The following WWOX variants were observed in gnomAD, a reference collection of about 807,000 sequenced individuals.
WWOX encodes WW domain containing oxidoreductase.
In WWOX, 69 loss-of-function variants were observed where a neutral mutation model predicts 46.2. The ratio of observed to expected loss-of-function variants is 1.49; its 90% CI spans 1.23 to 1.82. The LOEUF (loss-of-function observed/expected upper bound fraction) is 1.82. Ranked by LOEUF, WWOX falls within the 40% of genes most tolerant of loss-of-function variation. WWOX has a pLI of 0.00. For synonymous variants in WWOX, 359 were observed against 202.6 expected, an observed-to-expected ratio of 1.77 and a Z score of -6.56; for missense variants, 919 against 542.6, an observed-to-expected ratio of 1.69 and a Z score of -6.89.
chr16:78,709,327 C>G (rs546530807), intron 8 of WWOX, among the ~76,000 whole-genome samples: 2 of 152,180 alleles, frequency 1.3e-5, no homozygotes, highest in African/African-American at 4.8e-5. Context: ...GTAGTGATCA[C>G]AGAGAGAAGC....
intron 8 of WWOX, among the ~76,000 whole-genome samples, chr16:79,189,823 C>A (rs1262214978): frequency 6.8e-6 from 1 of 146,600 alleles, no homozygotes; most frequent in East Asian, 2.1e-4. Context: ...TATTTGGCAT[C>A]TTGCAATTGA....
At chr16:78,879,977 T>C (rs2044310303) in intron 8 of WWOX, among the ~76,000 whole-genome samples, 1 of 152,192 alleles carries the variant, frequency 6.6e-6, no homozygotes, top group South Asian at 2.1e-4. Flanking sequence ...TTTCTAAACA[T>C]TTTGAAATCT....
intron 8 of WWOX, among the ~76,000 whole-genome samples, chr16:78,554,014 C>T (rs1056100077): frequency 1.1e-4 from 17 of 152,026 alleles, no homozygotes; most frequent in South Asian, 1.0e-3. Context: ...GCATCAAACA[C>T]GCCGTCAAGC....
intron 8 of WWOX, among the ~76,000 whole-genome samples, chr16:79,169,891 A>G (rs1446440948): frequency 6.6e-6 from 1 of 152,180 alleles, no homozygotes; most frequent in Non-Finnish European, 1.5e-5. Context: ...ATGGGCCCAG[A>G]AATCAAGATG....
intron 8 of WWOX, among the ~76,000 whole-genome samples, chr16:79,047,803 C>T (rs1294310985): frequency 6.7e-6 from 1 of 149,402 alleles, no homozygotes; most frequent in Non-Finnish European, 1.5e-5. Context: ...ATGACTGGCT[C>T]ACAGTAGGAC....
At chr16:78,375,559 G>A (rs551196830) in intron 5 of WWOX, among the ~76,000 whole-genome samples, 7 of 152,190 alleles carry the variant, frequency 4.6e-5, no homozygotes, top group Non-Finnish European at 8.8e-5. Flanking sequence ...AAATGTCAGT[G>A]TGAATTATTG....
At position 78,343,770 on chromosome 16, in the gene WWOX, C is replaced by G. The variant is rs531865971; in HGVS notation, c.517-43090C>G. ...TTTGGTTCCTAAACTGGTGGACATA[C>G]CAAGGACTAAAGGAGTGACTTGCTC... On this transcript the variant is annotated intron_variant, in intron 5 of 8. Transcript: ENST00000566780. 3.2e-4 allele frequency among the ~76,000 whole-genome samples: 39 copies of G among 120,770 alleles called. 6 individuals are homozygous for G. The South Asian group carries it at 9.5e-3, about 29-fold the overall frequency. The allele number at this position is 120,770 out of a possible 152,430, so 79.2% of individuals were successfully genotyped here.
intron 8 of WWOX, among the ~76,000 whole-genome samples, chr16:79,165,984 T>G (rs929963579): frequency 3.9e-5 from 6 of 152,176 alleles, no homozygotes; most frequent in African/African-American, 1.2e-4. Context: ...TGAAAATCTT[T>G]CGGTCTAAGC....
chr16:78,217,948 T>C (rs562112414), intron 5 of WWOX, among the ~76,000 whole-genome samples: 2 of 152,282 alleles, frequency 1.3e-5, no homozygotes, highest in African/African-American at 4.8e-5. Flanking sequence ...GTTTCTTCCT[T>C]GTATTTATGC....
chr16:78,922,421 C>G (rs1430610332), intron 8 of WWOX, among the ~76,000 whole-genome samples: 1 of 149,614 alleles, frequency 6.7e-6, no homozygotes, highest in East Asian at 2.0e-4. Context: ...TTCTGTCGCT[C>G]AGGCTGGAGT....
chr16:79,162,938 G>A (rs2050515637), intron 8 of WWOX, among the ~76,000 whole-genome samples: 1 of 152,208 alleles, frequency 6.6e-6, no homozygotes, highest in Non-Finnish European at 1.5e-5. Flanking sequence ...CCATCTCTGG[G>A]AAGAGAATGT....
At chr16:78,389,483 A>G (rs1394659908) in intron 6 of WWOX, among the ~76,000 whole-genome samples, 2 of 152,136 alleles carry the variant, frequency 1.3e-5, no homozygotes, top group Non-Finnish European at 2.9e-5. Flanking sequence ...AATGATAATG[A>G]CAAGAACAGC....
chr16:78,769,281 C>G (rs938547347), intron 8 of WWOX, among the ~76,000 whole-genome samples: 5 of 152,178 alleles, frequency 3.3e-5, no homozygotes, highest in African/African-American at 1.2e-4. Context: ...GAGTCACCAT[C>G]GTCCATCCGT....
At chr16:78,171,509 C>A (rs185613678) in intron 5 of WWOX, among the ~76,000 whole-genome samples, 124 of 152,176 alleles carry the variant, frequency 8.1e-4, no homozygotes, top group Non-Finnish European at 1.5e-3. Context: ...GGGTAAAATA[C>A]GAGCCTCATG....
At chr16:78,931,669 C>T (rs2045626903) in intron 8 of WWOX, among the ~76,000 whole-genome samples, 1 of 152,206 alleles carries the variant, frequency 6.6e-6, no homozygotes, top group African/African-American at 2.4e-5. Context: ...ATCTACAGAT[C>T]TGCCTGGAAT....
At chr16:78,651,115 G>C (rs1475241617) in intron 8 of WWOX, among the ~76,000 whole-genome samples, 4 of 152,206 alleles carry the variant, frequency 2.6e-5, no homozygotes, top group Non-Finnish European at 5.9e-5. Flanking sequence ...CAAGGCCCAG[G>C]TACCTGGCTT....
intron 8 of WWOX, among the ~76,000 whole-genome samples, chr16:78,549,783 T>G (rs553657686): frequency 9.9e-5 from 15 of 152,208 alleles, no homozygotes; most frequent in Middle Eastern, 3.2e-3. Flanking sequence ...GATGAACGTC[T>G]TAGATGATCT....
intron 8 of WWOX, among the ~76,000 whole-genome samples, chr16:78,689,904 A>G (rs1452218067): frequency 6.6e-6 from 1 of 152,064 alleles, no homozygotes; most frequent in Non-Finnish European, 1.5e-5. Flanking sequence ...TCTGTTGCCC[A>G]GGCTGCAGTG....
At chr16:78,462,785 G>A (rs17719566) in intron 8 of WWOX, among the ~76,000 whole-genome samples, 5,625 of 152,260 alleles carry the variant, frequency 0.037, 214 homozygotes, top group South Asian at 0.19. Context: ...GACTAGTTAC[G>A]CTTCCCTTGA....
Sources: allele counts gnomAD v4.1 joint callset (sites outside exome capture counted in the v4.1 genomes callset), GRCh38; gene constraint gnomAD v4.1.1; transcripts MANE v1.5; gene names NCBI Gene and HGNC (gene_info 2026-07-23, HGNC 2026-07-21).